The following RASGRP1 variants were observed in gnomAD, a reference collection of about 807,000 sequenced individuals.
RASGRP1 encodes the protein RAS guanyl releasing protein 1, also known as RAS guanyl-releasing protein 1.
In RASGRP1, 37 loss-of-function variants were observed where a neutral mutation model predicts 95.1. The ratio of observed to expected loss-of-function variants is 0.39; its 90% confidence interval spans 0.30 to 0.51. The LOEUF (loss-of-function observed/expected upper bound fraction) is 0.51. Among genes scored for constraint, RASGRP1 ranks in the 20% least tolerant of loss-of-function variants. The pLI is 0.80. For synonymous variants in RASGRP1, 325 were observed against 353.4 expected (o/e 0.92, Z 0.90); for missense variants, 711 against 965.4 (o/e 0.74, Z 3.49).
At chr15:38,503,579 T>A in intron 10 of RASGRP1, 1 of 582,832 alleles carries the variant, frequency 1.7e-6, no homozygotes, top group Non-Finnish European at 3.0e-6. Flanking sequence ...GTTTCCAGAG[T>A]GCTCTTCACA....
intron 10 of RASGRP1, among the ~76,000 whole-genome samples, chr15:38,505,255 C>T (rs1891206325): frequency 1.3e-5 from 2 of 152,144 alleles, no homozygotes; most frequent in Admixed American, 1.3e-4. Flanking sequence ...CTGTGAAGTT[C>T]CTACTGCAGG....
At chr15:38,499,545 C>G (rs187651510) in intron 14 of RASGRP1, among the ~76,000 whole-genome samples, 1 of 152,342 alleles carries the variant, frequency 6.6e-6, no homozygotes, top group East Asian at 1.9e-4. Flanking sequence ...TCTGTGCAAC[C>G]AGGCATTTCT....
At chr15:38,503,251 G>A in intron 11 of RASGRP1, 21 bp downstream of exon 11, 1 of 1,566,304 alleles carries the variant, frequency 6.4e-7, no homozygotes, top group Non-Finnish European at 8.8e-7. Context: ...GTTTTTGTGT[G>A]CTGAACACAG....
chr15:38,529,803 G>A (rs1349030640), intron 2 of RASGRP1, among the ~76,000 whole-genome samples: 1 of 152,146 alleles, frequency 6.6e-6, no homozygotes. Context: ...TAGAAATTGA[G>A]TTTGCTTTCG....
chr15:38,533,843 C>A (rs1279882612), intron 2 of RASGRP1, among the ~76,000 whole-genome samples: 7 of 152,324 alleles, frequency 4.6e-5, no homozygotes, highest in African/African-American at 1.4e-4. Context: ...GTGAGAGGAA[C>A]CCTGGTTTGT....
chr15:38,541,259 T>C (rs1285509798), intron 2 of RASGRP1, among the ~76,000 whole-genome samples: 1 of 152,228 alleles, frequency 6.6e-6, no homozygotes, highest in Non-Finnish European at 1.5e-5. Context: ...ATCCCCAGCC[T>C]GGCCAGCGGG....
rs188497390 is a variant in RASGRP1, at chr15:38,494,288, G to C, written c.2259+94C>G. 6 of 1,488,622 alleles carry C rather than the reference G, an allele frequency of 4.0e-6. No homozygotes were observed. The Admixed American group carries it at 7.4e-5, about 18-fold the overall frequency. 92.2% of individuals were successfully genotyped at this position (1,488,622 alleles called of 1,614,324 possible). ...TTTTGTTTTAGACTGCTTGTAATCA[G>C]CCTGATCTGAATCTTCAGTCCACAT... On this transcript the variant is annotated intron_variant, in intron 16 of 16. Transcript: ENST00000310803.
At chr15:38,541,960 G>A (rs1246307133) in intron 2 of RASGRP1, among the ~76,000 whole-genome samples, 1 of 152,074 alleles carries the variant, frequency 6.6e-6, no homozygotes, top group Admixed American at 6.6e-5. Context: ...TTGAAGGAAG[G>A]GTCAGATTCT....
Position 38,560,016 on chromosome 15 carries a change from A to G in RASGRP1, c.36-11T>C. 6.2e-7 allele frequency: 1 copy of G among 1,605,572 alleles called. No homozygotes were observed. Among genetic ancestry groups the G allele is most frequent in the South Asian group, 1.1e-5 (1 of 89,918 alleles). On this transcript the variant is annotated splice_polypyrimidine_tract_variant and intron_variant, in intron 1 of 16. Coordinates refer to ENST00000310803, the MANE Select transcript of RASGRP1 (RefSeq NM_005739.4). ...CCATGGGAAGGTTTCCTGGGGAAAG[A>G]GAGAAGGCAGTGAGGGGACAAACGG...
chr15:38,558,933 G>C (rs1285707658), intron 2 of RASGRP1, among the ~76,000 whole-genome samples: 1 of 152,116 alleles, frequency 6.6e-6, no homozygotes, highest in Non-Finnish European at 1.5e-5. Flanking sequence ...CCCAGGGTTG[G>C]GGTAGGCTTG....
chr15:38,494,188 G>C lies in RASGRP1; in HGVS notation c.2259+194C>G, dbSNP rs74009814. On this transcript the variant is annotated intron_variant, in intron 16 of 16. Transcript: ENST00000310803. The stretch of plus-strand genomic sequence containing the variant: ...CCCCCAGTGGGTTGTGAGAAAGCTG[G>C]AATCAATCATCCTTTCTTCCTTCCC... 2,863 of 733,704 alleles carry C rather than the reference G, an allele frequency of 3.9e-3. 61 individuals carry two copies. The African/African-American group carries it at 0.044, about 11-fold the overall frequency. The allele number at this position is 733,704 out of a possible 1,614,324, so 45.4% of individuals were successfully genotyped here. A position where few individuals can be genotyped will look rare whatever the true frequency, so the allele number is the denominator to read the frequency against.
intron 3 of RASGRP1, among the ~76,000 whole-genome samples, chr15:38,521,525 T>A (rs551552505): frequency 6.6e-6 from 1 of 152,186 alleles, no homozygotes; most frequent in African/African-American, 2.4e-5. Flanking sequence ...AGAGCCCCTA[T>A]GCCATGGCAA....
At chr15:38,538,790 A>T (rs1190433979) in intron 2 of RASGRP1, among the ~76,000 whole-genome samples, 1 of 152,186 alleles carries the variant, frequency 6.6e-6, no homozygotes, top group Non-Finnish European at 1.5e-5. Context: ...GATAATCCAG[A>T]GATGGCACTC....
rs1890484234 is a variant in RASGRP1, at chr15:38,489,481, A to C, written c.*1073T>G. 1 of 152,530 alleles carries C rather than the reference A, an allele frequency of 6.6e-6. No individual in the cohort carries two copies. The highest frequency in any genetic ancestry group is 6.5e-5 in the Admixed American group (1 of 15,270). 9.4% of individuals were successfully genotyped at this position (152,530 alleles called of 1,614,324 possible). The stretch of plus-strand genomic sequence containing the variant: ...TAAATGACTAAAACTTGTTTAATTC[A>C]CTTCCACATTTTATGGAGGAAACAA... On this transcript the variant is annotated 3_prime_UTR_variant, in exon 17 of 17. Coordinates refer to ENST00000310803, the MANE Select transcript of RASGRP1 (RefSeq NM_005739.4).
At position 38,500,258 on chromosome 15, in the gene RASGRP1, C is replaced by T. The variant is rs965182035; in HGVS notation, c.1684-119G>A. 8.5e-6 allele frequency: 8 copies of T among 942,662 alleles called. No individual in the cohort carries two copies. The South Asian group carries it at 1.1e-4, about 13-fold the overall frequency. The allele number at this position is 942,662 out of a possible 1,614,324, so 58.4% of individuals were successfully genotyped here. A position where few individuals can be genotyped will look rare whatever the true frequency, so the allele number is the denominator to read the frequency against. ...TCTAGCTCAAGTGGGAAGGAAACCTCATTTATCTCTCATGTCTTGTCCCTT... is the reference window on the plus strand; with the variant it reads ...TCTAGCTCAAGTGGGAAGGAAACCTTATTTATCTCTCATGTCTTGTCCCTT... On this transcript the variant is annotated intron_variant, in intron 13 of 16. Transcript: ENST00000310803.
At chr15:38,498,589 A>G (rs1890888777) in intron 15 of RASGRP1, among the ~76,000 whole-genome samples, 1 of 152,096 alleles carries the variant, frequency 6.6e-6, no homozygotes, top group Admixed American at 6.5e-5. Context: ...TTTTATGCCT[A>G]ACTAGGACTC....
At position 38,488,599 on chromosome 15, in the gene RASGRP1, T is replaced by C. The variant is rs555816864; in HGVS notation, c.*1955A>G. ...TGCTAATTTGACTAATTAAGTGGAC[T>C]GTGACACCTTTTGAATCCCTATAGA... On this transcript the variant is annotated 3_prime_UTR_variant, in exon 17 of 17. Transcript: ENST00000310803. The C allele has an allele frequency of 3.3e-5, 5 of 152,162 alleles. No homozygotes were observed. In the South Asian group the frequency reaches 1.0e-3, roughly 32 times the overall value. The allele number at this position is 152,162 out of a possible 1,614,324, so 9.4% of individuals were successfully genotyped here.
At chr15:38,531,890 T>TA (rs1184662999) in intron 2 of RASGRP1, among the ~76,000 whole-genome samples, 2 of 152,170 alleles carry the variant, frequency 1.3e-5, no homozygotes, top group Non-Finnish European at 2.9e-5. Flanking sequence ...TCCAGCTCTA[T>TA]ACAACCTCAT....
At chr15:38,556,035 A>C (rs1402735198) in intron 2 of RASGRP1, among the ~76,000 whole-genome samples, 1 of 152,242 alleles carries the variant, frequency 6.6e-6, no homozygotes, top group Non-Finnish European at 1.5e-5. Context: ...AAGGGAAAAA[A>C]AATAAAAGCC....
Sources: allele counts gnomAD v4.1 joint callset (sites outside exome capture counted in the v4.1 genomes callset), GRCh38; gene constraint gnomAD v4.1.1; transcripts MANE v1.5; gene names NCBI Gene and HGNC (gene_info 2026-07-23, HGNC 2026-07-21).